ZNF768: variants seen among roughly 807,000 people sequenced by gnomAD.
ZNF768 encodes the protein zinc finger protein 768.
ZNF768 carries 12 observed loss-of-function variants against 39.7 expected under a neutral mutation model. That is an observed-to-expected ratio of 0.30 (90% CI 0.19 to 0.49). The LOEUF (loss-of-function observed/expected upper bound fraction) is 0.49, where lower values mean the gene tolerates loss of function less well. Ranked by LOEUF, ZNF768 falls within the 20% of genes least tolerant of loss-of-function variation. The pLI is 0.99. For synonymous variants in ZNF768, 360 were observed against 288.4 expected, an observed-to-expected ratio of 1.25 and a Z score of -2.52; for missense variants, 613 against 723.2, an observed-to-expected ratio of 0.85 and a Z score of 1.75.
upstream of ZNF768, chr16:30,526,965 G>A (rs968748659): frequency 1.3e-5 from 13 of 985,490 alleles, no homozygotes; most frequent in African/African-American, 2.1e-4. Context: ...GGAGCCCGCG[G>A]GGCTACCGGG....
chr16:30,524,223 C>G lies in ZNF768; in HGVS notation c.*294G>C. 5.3e-6 allele frequency: 2 copies of G among 378,918 alleles called. No homozygotes were observed. Among genetic ancestry groups the G allele is most frequent in the East Asian group, 4.9e-5 (1 of 20,348 alleles). 23.5% of individuals were successfully genotyped at this position (378,918 alleles called of 1,614,324 possible). On this transcript the variant is annotated 3_prime_UTR_variant, in exon 2 of 2. Coordinates refer to ENST00000380412, the MANE Select transcript of ZNF768 (RefSeq NM_024671.4). ...AGGTAATCCCCTGCCCTCCCCCCTC[C>G]CTGCTCTAGCAGTTGCCAAGCCAGG...
upstream of ZNF768, chr16:30,527,160 C>T: frequency 1.0e-6 from 1 of 985,456 alleles, no homozygotes; most frequent in African/African-American, 1.7e-5. Context: ...CCTCCCGGGC[C>T]TCCGGGTCAG....
upstream of ZNF768, among the ~76,000 whole-genome samples, chr16:30,529,911 C>T (rs996190020): frequency 6.6e-6 from 1 of 150,592 alleles, no homozygotes; most frequent in African/African-American, 2.5e-5. Context: ...GCAACCTCTG[C>T]CTCCTGAGTT....
Position 30,524,503 on chromosome 16 carries a change from G to C in ZNF768, c.*14C>G. The C allele has an allele frequency of 6.3e-7, 1 of 1,597,844 alleles. No homozygotes were observed. The highest frequency in any genetic ancestry group is 8.5e-7 in the Non-Finnish European group (1 of 1,174,966). On this transcript the variant is annotated 3_prime_UTR_variant, in exon 2 of 2. Transcript: ENST00000380412. Reference sequence around the variant, plus strand: ...TCTTCTGCCCACACCTCCCACCCCTGCTGGGGCCCCAGGTCAGCGCCGGCC... The same window carrying C: ...TCTTCTGCCCACACCTCCCACCCCTCCTGGGGCCCCAGGTCAGCGCCGGCC...
chr16:30,526,373 T>C lies in ZNF768; in HGVS notation c.41A>G (p.Asp14Gly), dbSNP rs1226896380. 13 of 1,602,284 alleles carry C rather than the reference T, an allele frequency of 8.1e-6. No homozygotes were observed. The highest frequency in any genetic ancestry group is 3.3e-5 in the South Asian group (3 of 89,714). Residue 14 changes from aspartate to glycine, a missense_variant, in exon 1 of 2, where the codon GAT becomes GGT. Around this residue, in one of 4 missense-constraint regions of ZNF768, gnomAD observed 347 missense variants for 326.1 expected, o/e 1.06. Transcript: ENST00000380412. Reference sequence around the variant, plus strand: ...CCTCATTTCGTCAGAACTCTGCACATCCTGGGGCTCGAGGCCCCACGGCAA... The same window carrying C: ...CCTCATTTCGTCAGAACTCTGCACACCCTGGGGCTCGAGGCCCCACGGCAA... ...EALPWGLEPQ[D>G]VQSSDEMRSP...
rs746559698 is a variant in ZNF768, at chr16:30,525,409, C to G, written c.731G>C (p.Gly244Ala). The G allele has an allele frequency of 5.0e-6, 8 of 1,614,134 alleles. No homozygotes were observed. The highest frequency in any genetic ancestry group is 6.8e-6 in the Non-Finnish European group (8 of 1,180,032). ...GGCCCGGCCACCCCGCCGACCTGGA[C>G]CTCGAAGGGCTCCTGTGAGACCCAG... ...NPLGLTGALRGPGRRGGRARG... is the reference protein window; with the variant it reads ...NPLGLTGALRAPGRRGGRARG... The change falls in exon 2 of 2, where the codon GGT (glycine) becomes GCT (alanine). Residue 244 changes from glycine to alanine, a missense_variant. Gly to Ala is a moderately conservative substitution (Grantham distance 60). Coordinates refer to ENST00000380412, the MANE Select transcript of ZNF768 (RefSeq NM_024671.4).
chr16:30,526,282 T>A, intron 1 of ZNF768, 44 bp downstream of exon 1: 1 of 1,604,530 alleles, frequency 6.2e-7, no homozygotes, highest in Non-Finnish European at 8.5e-7. Context: ...CAGCCCCTTC[T>A]CCTGCGCGCA....
At chr16:30,527,260 C>T (rs949255844), upstream of ZNF768, 4 of 986,044 alleles carry the variant, frequency 4.1e-6, no homozygotes, top group Non-Finnish European at 4.8e-6. Context: ...CTCCGCTCCC[C>T]GGCACCTGCG....
At position 30,525,595 on chromosome 16, in the gene ZNF768, T is replaced by C. The variant is rs61735343; in HGVS notation, c.545A>G (p.Glu182Gly). Residue 182 changes from glutamate to glycine, a missense_variant, in exon 2 of 2, where the codon GAA becomes GGA. Physicochemically the swap from Glu to Gly is moderately conservative, Grantham distance 98. Around this residue, in one of 4 missense-constraint regions of ZNF768, gnomAD observed 347 missense variants for 326.1 expected, o/e 1.06. Transcript: ENST00000380412. ...TACGGAGATATTCAAAGGACTCTTTTCCTCGGGGTTCAGAAGCATCTCCGC... is the reference window on the plus strand; with the variant it reads ...TACGGAGATATTCAAAGGACTCTTTCCCTCGGGGTTCAGAAGCATCTCCGC... ...EGAEMLLNPEEKSPLNISVGV... is the reference protein window; with the variant it reads ...EGAEMLLNPEGKSPLNISVGV... 2.5e-3 allele frequency: 4,071 copies of C among 1,614,252 alleles called. 35 individuals are homozygous for C. The highest frequency in any genetic ancestry group is 0.015 in the South Asian group (1,373 of 91,086).
chr16:30,524,583 T>C lies in ZNF768; in HGVS notation c.1557A>G (p.Gly519=). 1.2e-6 allele frequency: 2 copies of C among 1,610,126 alleles called. No individual in the cohort carries two copies. The highest frequency in any genetic ancestry group is 1.7e-6 in the Non-Finnish European group (2 of 1,178,940). Residue 519 remains glycine, a synonymous_variant, in exon 2 of 2, where the codon GGA becomes GGG. Transcript: ENST00000380412. ...GERPYKCDDC[G]KAFSQSSDLI... Reference sequence around the variant, plus strand: ...GGTCGGAGCTCTGGGAGAAGGCCTTTCCGCAGTCATCGCACTTGTAAGGCC... The same window carrying C: ...GGTCGGAGCTCTGGGAGAAGGCCTTCCCGCAGTCATCGCACTTGTAAGGCC...
chr16:30,526,755 GC>G, upstream of ZNF768: 1 of 559,284 alleles, frequency 1.8e-6, no homozygotes, highest in Non-Finnish European at 2.2e-6. Context: ...CTGGACCCCG[GC>G]CCCGGGCTGG....
chr16:30,524,508 G>A lies in ZNF768; in HGVS notation c.*9C>T, dbSNP rs750534917. The A allele has an allele frequency of 1.9e-5, 31 of 1,600,522 alleles. 1 individual carries two copies. The Admixed American group carries it at 4.9e-4, about 25-fold the overall frequency. Reference sequence around the variant, plus strand: ...TGCCCACACCTCCCACCCCTGCTGGGGCCCCAGGTCAGCGCCGGCCCGCCG... The same window carrying A: ...TGCCCACACCTCCCACCCCTGCTGGAGCCCCAGGTCAGCGCCGGCCCGCCG... On this transcript the variant is annotated 3_prime_UTR_variant, in exon 2 of 2. Transcript: ENST00000380412.
the ZNF768 span, chr16:30,532,369 CAG>C: frequency 9.4e-7 from 1 of 1,060,762 alleles, no homozygotes; most frequent in African/African-American, 1.6e-5. Context: ...AGCCCAAGAT[CAG>C]ACTGTCCGCA....
At chr16:30,526,910 G>C (rs2051333288), upstream of ZNF768, 3 of 985,390 alleles carry the variant, frequency 3.0e-6, no homozygotes, top group South Asian at 1.4e-4. Flanking sequence ...ATTAACCCTG[G>C]GCTGGAGGGG....
At chr16:30,528,576 C>T (rs539945629), upstream of ZNF768, among the ~76,000 whole-genome samples, 34 of 152,246 alleles carry the variant, frequency 2.2e-4, no homozygotes, top group African/African-American at 7.0e-4. Context: ...TAAAGGCTTA[C>T]AAATAAAATC....
intron 1 of ZNF768, 52 bp downstream of exon 1, chr16:30,526,274 G>A: frequency 6.2e-7 from 1 of 1,602,152 alleles, no homozygotes; most frequent in Non-Finnish European, 8.5e-7. Context: ...TGGAGCCACA[G>A]CCCCTTCTCC....
At position 30,524,390 on chromosome 16, in the gene ZNF768, CTCT is replaced by C. The variant is rs2051300144; in HGVS notation, c.*124_*126del. On this transcript the variant is annotated 3_prime_UTR_variant, in exon 2 of 2. Transcript: ENST00000380412. ...GCATGTCACTTCCTCCACCCTGGTT[CTCT>C]TCTTCCAGCATCCTCAGCTCCTCCA... is the stretch of plus-strand genomic sequence containing the variant. The C allele has an allele frequency of 1.4e-6, 2 of 1,416,800 alleles. No individual in the cohort carries two copies. The highest frequency in any genetic ancestry group is 1.9e-6 in the Non-Finnish European group (2 of 1,074,916). The allele number at this position is 1,416,800 out of a possible 1,614,324, so 87.8% of individuals were successfully genotyped here. A position where few individuals can be genotyped will look rare whatever the true frequency, so the allele number is the denominator to read the frequency against.
rs1278046426 is a variant in ZNF768 at position 30,524,096 on chromosome 16, G to GCCCCACCCCGGGGCCCCACT, written c.*401_*420dup. ...CTGGGGTTTGCACGCAGAGGCCCAG[G>GCCCCACCCCGGGGCCCCACT]CCCCACCCCGGGGCCCCACTCCCCA... On this transcript the variant is annotated 3_prime_UTR_variant, in exon 2 of 2. Coordinates refer to ENST00000380412, the MANE Select transcript of ZNF768 (RefSeq NM_024671.4). The GCCCCACCCCGGGGCCCCACT allele has an allele frequency of 1.0e-4, 20 of 195,710 alleles. No individual in the cohort carries two copies. Among genetic ancestry groups the GCCCCACCCCGGGGCCCCACT allele is most frequent in the African/African-American group, 4.2e-4 (18 of 42,772 alleles). The allele number at this position is 195,710 out of a possible 1,614,324, so 12.1% of individuals were successfully genotyped here.
At chr16:30,527,187 G>A, upstream of ZNF768, 7 of 985,392 alleles carry the variant, frequency 7.1e-6, no homozygotes, top group Non-Finnish European at 8.4e-6. Context: ...CAGCGCCTCG[G>A]GAACCGGGAC....
Sources: allele counts gnomAD v4.1 joint callset (sites outside exome capture counted in the v4.1 genomes callset), GRCh38; gene constraint gnomAD v4.1.1; regional missense constraint gnomAD v4.1.1; transcripts MANE v1.5; gene names NCBI Gene and HGNC (gene_info 2026-07-23, HGNC 2026-07-21).